Variants in OPHN1 observed in about 807,000 individuals in gnomAD.
The protein encoded by OPHN1 is oligophrenin-1.
A neutral mutation model predicts 60.7 loss-of-function variants in OPHN1; 11 were observed. That is an observed-to-expected ratio of 0.18 (90% CI 0.11 to 0.30). The LOEUF (loss-of-function observed/expected upper bound fraction) is 0.30, where lower values mean the gene tolerates loss of function less well. OPHN1 is among the 10% of genes least tolerant of loss of function. The pLI, the probability that OPHN1 is intolerant of heterozygous loss-of-function variation, is 1.00. For synonymous variants in OPHN1, 226 were observed against 222.6 expected (o/e 1.02, Z -0.14); for missense variants, 449 against 611.0 (o/e 0.73, Z 2.80).
intron 6 of OPHN1, among the ~76,000 whole-genome samples, chrX:68,217,023 C>A (rs992304185): frequency 1.8e-5 from 2 of 111,667 alleles, no homozygotes; most frequent in African/African-American, 6.5e-5. Flanking sequence ...ATACCGGGTT[C>A]ATCTCACTAG....
At chrX:68,409,626 A>G (rs2078759982) in intron 2 of OPHN1, among the ~76,000 whole-genome samples, 1 of 112,037 alleles carries the variant, frequency 8.9e-6, no homozygotes, top group South Asian at 3.7e-4. Flanking sequence ...GAAAAAATAC[A>G]ATTCTTTTGT....
chrX:68,097,284 G>T (rs958364042), intron 18 of OPHN1, among the ~76,000 whole-genome samples: 1 of 111,528 alleles, frequency 9.0e-6, no homozygotes, highest in Non-Finnish European at 1.9e-5. Flanking sequence ...GACAGACAGG[G>T]ATGTGGGGAG....
In OPHN1 at chrX:68,193,931, A is replaced by C. The variant is rs1179286852; in HGVS notation, c.1160T>G (p.Phe387Cys). 1 of 1,206,873 alleles carries C rather than the reference A, an allele frequency of 8.3e-7. No individual in the cohort carries two copies. The change falls in exon 14 of 25, where the codon TTC becomes TGC. Residue 387 changes from phenylalanine to cysteine, a missense_variant. Transcript: ENST00000355520. ...QQEMELNEVG[F>C]KFVRKCINII... ...ATTGATGCACTTCCTGACAAACTTGAAGCCCACTTCATTTAGCTCCACTGT... is the reference window on the plus strand; with the variant it reads ...ATTGATGCACTTCCTGACAAACTTGCAGCCCACTTCATTTAGCTCCACTGT...
chrX:68,228,367 C>T (rs1000553607), intron 6 of OPHN1, among the ~76,000 whole-genome samples: 11 of 111,106 alleles, frequency 9.9e-5, no homozygotes, highest in African/African-American at 3.6e-4. Flanking sequence ...GAAACTATTC[C>T]AATCCATAGA....
At chrX:68,386,141 G>A (rs1485570532) in intron 2 of OPHN1, among the ~76,000 whole-genome samples, 1 of 111,902 alleles carries the variant, frequency 8.9e-6, no homozygotes, top group Non-Finnish European at 1.9e-5. Context: ...AAATCAGTTG[G>A]AATAAAAATT....
chrX:68,260,446 G>T (rs1287907731), intron 5 of OPHN1, among the ~76,000 whole-genome samples: 1 of 109,492 alleles, frequency 9.1e-6, no homozygotes. Context: ...CTTCTGATAC[G>T]AGCCCCACAA....
chrX:68,121,888 C>G (rs1329599035), intron 15 of OPHN1, among the ~76,000 whole-genome samples: 1 of 108,952 alleles, frequency 9.2e-6, no homozygotes, highest in Non-Finnish European at 1.9e-5. Flanking sequence ...TTTCCAGACT[C>G]TAGCTCCCAG....
chrX:68,215,520 A>T (rs965270147), intron 6 of OPHN1, among the ~76,000 whole-genome samples: 12 of 111,538 alleles, frequency 1.1e-4, no homozygotes, highest in Admixed American at 8.6e-4. Context: ...AAATACTAAT[A>T]AATACCAATC....
chrX:68,241,111 G>A (rs73530487), intron 5 of OPHN1, among the ~76,000 whole-genome samples: 8,641 of 111,471 alleles, frequency 0.078, 844 homozygotes, highest in African/African-American at 0.27. Flanking sequence ...TTTATAGCCT[G>A]ATGCATAGTT....
At chrX:68,278,692 C>T (rs1177269767) in intron 4 of OPHN1, among the ~76,000 whole-genome samples, 2 of 112,736 alleles carry the variant, frequency 1.8e-5, no homozygotes, top group Non-Finnish European at 3.8e-5. Flanking sequence ...TCCAGGCTAG[C>T]CTGGCCAACA....
chrX:68,416,912 A>G (rs1418556210), intron 2 of OPHN1, among the ~76,000 whole-genome samples: 1 of 112,075 alleles, frequency 8.9e-6, no homozygotes, highest in Non-Finnish European at 1.9e-5. Context: ...GACAATATAT[A>G]AACAAATAGG....
At chrX:68,397,520 ATTTAT>A (rs1454434072) in intron 2 of OPHN1, among the ~76,000 whole-genome samples, 5 of 22,960 alleles carry the variant, frequency 2.2e-4, no homozygotes, top group African/African-American at 6.9e-4. Flanking sequence ...TTATTTATTT[ATTTAT>A]TTTTTTTTTT....
chrX:68,430,735 G>T (rs1388368087), intron 2 of OPHN1, among the ~76,000 whole-genome samples: 1 of 110,377 alleles, frequency 9.1e-6, no homozygotes, highest in African/African-American at 3.3e-5. Context: ...GAGGCAGGAG[G>T]ATCGCTTGAA....
chrX:68,301,291 C>T (rs902639036), intron 2 of OPHN1, among the ~76,000 whole-genome samples: 1 of 108,523 alleles, frequency 9.2e-6, no homozygotes, highest in African/African-American at 3.4e-5. Context: ...ACTAAAAATA[C>T]AAAAATTAGC....
intron 2 of OPHN1, among the ~76,000 whole-genome samples, chrX:68,347,819 T>C (rs2078386222): frequency 9.2e-6 from 1 of 108,992 alleles, no homozygotes; most frequent in Non-Finnish European, 1.9e-5. Flanking sequence ...CTGGGTCAGT[T>C]GGTCAGTCAG....
chrX:68,257,164 CA>C (rs1404328611), intron 5 of OPHN1, among the ~76,000 whole-genome samples: 1 of 112,234 alleles, frequency 8.9e-6, no homozygotes, highest in Admixed American at 9.4e-5. Context: ...CATTTTATTG[CA>C]CTATTCACTT....
chrX:68,093,404 T>G (rs908384749), intron 19 of OPHN1, among the ~76,000 whole-genome samples: 7 of 111,806 alleles, frequency 6.3e-5, no homozygotes, highest in Admixed American at 4.8e-4. Context: ...AAAGGTTTTG[T>G]GTGGACATGT....
chrX:68,262,828 A>AC (rs2077900823), intron 5 of OPHN1, among the ~76,000 whole-genome samples: 3 of 90,772 alleles, frequency 3.3e-5, no homozygotes, highest in Non-Finnish European at 6.7e-5. Flanking sequence ...ACAAGAAAGG[A>AC]AAGGACAGGA....
At chrX:68,415,405 C>T (rs1200344172) in intron 2 of OPHN1, among the ~76,000 whole-genome samples, 1 of 112,081 alleles carries the variant, frequency 8.9e-6, no homozygotes, top group Non-Finnish European at 1.9e-5. Context: ...CTGTTCATAA[C>T]ATTTCTTCTC....
Sources: gnomAD v4.1 joint callset for allele counts (sites outside exome capture counted in the v4.1 genomes callset) on GRCh38, gnomAD v4.1.1 for gene constraint, MANE v1.5 for transcripts, NCBI Gene and HGNC (gene_info 2026-07-23, HGNC 2026-07-21) for gene names.